GLI2: variants seen among roughly 807,000 people sequenced by gnomAD.
GLI2 encodes GLI family zinc finger 2.
In GLI2, 22 loss-of-function variants were observed where a neutral mutation model predicts 78.9. The observed-to-expected ratio is 0.28, with a 90% CI of 0.20 to 0.40. The LOEUF (loss-of-function observed/expected upper bound fraction) is 0.40. GLI2 is among the 10% of genes least tolerant of loss of function. The pLI is 1.00. For missense variants in GLI2, 2,097 were observed against 2,213.2 expected (o/e 0.95, Z 1.05); for synonymous variants, 974 against 963.7 (o/e 1.01, Z -0.20).
At chr2:120,773,906 CTT>C (rs1573364469) in intron 1 of GLI2, among the ~76,000 whole-genome samples, 1 of 87,458 alleles carries the variant, frequency 1.1e-5, no homozygotes, top group African/African-American at 7.4e-5. Flanking sequence ...TGCCTCCCTC[CTT>C]CCTTCCTTCC....
rs890325176 is a variant in GLI2, at chr2:120,795,855, G to A, written c.-30-1436G>A. On this transcript the variant is annotated intron_variant, in intron 1 of 13. Coordinates refer to ENST00000361492, the MANE Select transcript of GLI2 (RefSeq NM_001374353.1). ...ACCTGAGGTCAGGAGTTTGAGACCA[G>A]CCTGACCAACATGGAGAAACCCTGT... 4.6e-5 allele frequency among the ~76,000 whole-genome samples: 7 copies of A among 152,050 alleles called. No homozygotes were observed. In the East Asian group the frequency reaches 1.2e-3, roughly 25 times the overall value.
chr2:120,892,129 C>T (rs1677713140), intron 2 of GLI2, among the ~76,000 whole-genome samples: 1 of 152,222 alleles, frequency 6.6e-6, no homozygotes, highest in Non-Finnish European at 1.5e-5. Flanking sequence ...GGCCCCCATC[C>T]ACCTCTCTCC....
intron 2 of GLI2, among the ~76,000 whole-genome samples, chr2:120,902,194 C>T (rs1185094601): frequency 1.4e-5 from 2 of 146,428 alleles, no homozygotes; most frequent in African/African-American, 2.5e-5. Flanking sequence ...CACCCCCCCC[C>T]ACCCCCAACC....
At chr2:120,978,345 GT>G (rs1682558662) in intron 9 of GLI2, 88 bp from the exon 10 acceptor site, 1 of 1,447,182 alleles carries the variant, frequency 6.9e-7, no homozygotes, top group African/African-American at 1.4e-5. Context: ...GGCTGGGGGG[GT>G]GCCGGTGCAG....
At chr2:120,792,060 A>C (rs1024706273) in intron 1 of GLI2, among the ~76,000 whole-genome samples, 2 of 152,172 alleles carry the variant, frequency 1.3e-5, no homozygotes, top group Admixed American at 1.3e-4. Flanking sequence ...GCGAGGCTTC[A>C]TCTCTCTCCT....
intron 3 of GLI2, among the ~76,000 whole-genome samples, chr2:120,943,999 C>A (rs553230592): frequency 6.6e-6 from 1 of 152,186 alleles, no homozygotes; most frequent in Non-Finnish European, 1.5e-5. Flanking sequence ...CCTCCCCAGC[C>A]CTCAAAGTCT....
chr2:120,801,884 G>A (rs528820986), intron 2 of GLI2, among the ~76,000 whole-genome samples: 1 of 152,346 alleles, frequency 6.6e-6, no homozygotes, highest in South Asian at 2.1e-4. Context: ...GGGGCTTGGG[G>A]CTCCTGCCTC....
rs1682887740 is a variant in GLI2 at position 120,984,721 on chromosome 2, C to A, written c.1883C>A (p.Ala628Asp). Residue 628 changes from alanine (A) to aspartate (D), a missense_variant, in exon 12 of 14, where the codon GCC becomes GAC. By Grantham distance (126) the Ala-to-Asp change is moderately radical (BLOSUM62 -2). Transcript: ENST00000361492. ...QAVEDCLHVRAIKTESSGLCQ... is the reference protein window; with the variant it reads ...QAVEDCLHVRDIKTESSGLCQ... ...GTGGAGGACTGCCTGCACGTCAGAG[C>A]CATCAAGACCGAGAGCTCCGGGGTA... 1.2e-6 allele frequency: 2 copies of A among 1,612,960 alleles called. No homozygotes were observed. The highest frequency in any genetic ancestry group is 2.2e-5 in the South Asian group (2 of 91,076).
At chr2:120,929,012 G>A (rs780378662) in intron 3 of GLI2, among the ~76,000 whole-genome samples, 2 of 152,062 alleles carry the variant, frequency 1.3e-5, no homozygotes, top group Non-Finnish European at 1.5e-5. Context: ...AGACTCCTTC[G>A]TCATCTCCTG....
intron 2 of GLI2, among the ~76,000 whole-genome samples, chr2:120,873,779 C>T (rs1278665785): frequency 6.6e-6 from 1 of 152,184 alleles, no homozygotes; most frequent in African/African-American, 2.4e-5. Flanking sequence ...AACCTGTGTC[C>T]ACAGAGCATC....
At chr2:120,922,421 C>T (rs1436597501) in intron 2 of GLI2, among the ~76,000 whole-genome samples, 4 of 152,134 alleles carry the variant, frequency 2.6e-5, no homozygotes, top group Non-Finnish European at 5.9e-5. Context: ...AGAGGCCCTA[C>T]TCACTGAAGG....
intron 9 of GLI2, among the ~76,000 whole-genome samples, chr2:120,976,355 G>A (rs748942339): frequency 2.0e-5 from 3 of 152,108 alleles, no homozygotes; most frequent in Non-Finnish European, 4.4e-5. Flanking sequence ...TTTTGTGTTG[G>A]AGTTTGTCCT....
intron 2 of GLI2, among the ~76,000 whole-genome samples, chr2:120,871,045 G>A (rs1282584510): frequency 6.6e-6 from 1 of 152,230 alleles, no homozygotes; most frequent in African/African-American, 2.4e-5. Flanking sequence ...AGGAGATTGG[G>A]AAGACTCATG....
intron 1 of GLI2, among the ~76,000 whole-genome samples, chr2:120,741,755 C>T (rs1464211971): frequency 6.6e-6 from 1 of 152,058 alleles, no homozygotes; most frequent in African/African-American, 2.4e-5. Flanking sequence ...CCCGAGCGCC[C>T]CGGGCCCGCG....
intron 7 of GLI2, among the ~76,000 whole-genome samples, chr2:120,970,807 C>T (rs1463810521): frequency 6.6e-6 from 1 of 152,228 alleles, no homozygotes; most frequent in Non-Finnish European, 1.5e-5. Flanking sequence ...CTTCTTGATT[C>T]TGCCGTCTCC....
At chr2:120,749,908 C>T (rs1397583346) in intron 1 of GLI2, among the ~76,000 whole-genome samples, 1 of 152,212 alleles carries the variant, frequency 6.6e-6, no homozygotes, top group Non-Finnish European at 1.5e-5. Flanking sequence ...CAGCCTGATG[C>T]AGTCAGTATT....
chr2:120,975,114 G>A lies in GLI2; in HGVS notation c.1317+5G>A. 1.2e-6 allele frequency: 2 copies of A among 1,613,708 alleles called. No individual in the cohort carries two copies. Among genetic ancestry groups the A allele is most frequent in the Non-Finnish European group, 1.7e-6 (2 of 1,179,988 alleles). On this transcript the variant is annotated splice_donor_5th_base_variant and intron_variant, in intron 9 of 13. Coordinates refer to ENST00000361492, the MANE Select transcript of GLI2 (RefSeq NM_001374353.1). ...ACCCAGGAGCAGCTGGTGCATGTAAGCTTTTGAACCCCAGCAGCCCGCCAA... is the reference window on the plus strand; with the variant it reads ...ACCCAGGAGCAGCTGGTGCATGTAAACTTTTGAACCCCAGCAGCCCGCCAA...
chr2:120,886,102 G>T (rs1677381246), intron 2 of GLI2, among the ~76,000 whole-genome samples: 1 of 147,410 alleles, frequency 6.8e-6, no homozygotes, highest in African/African-American at 2.5e-5. Flanking sequence ...TGTGTGTTTT[G>T]GTTTTGGGGT....
chr2:120,903,785 C>T (rs1372331490), intron 2 of GLI2, among the ~76,000 whole-genome samples: 1 of 152,172 alleles, frequency 6.6e-6, no homozygotes, highest in Non-Finnish European at 1.5e-5. Flanking sequence ...CTTTGTGCTT[C>T]CTGCCCTTGG....
Sources: allele counts gnomAD v4.1 joint callset (sites outside exome capture counted in the v4.1 genomes callset), GRCh38; gene constraint gnomAD v4.1.1; transcripts MANE v1.5; gene names NCBI Gene and HGNC (gene_info 2026-07-23, HGNC 2026-07-21).